PRKDC: variants seen among roughly 807,000 people sequenced by gnomAD.
PRKDC encodes the protein protein kinase, DNA-activated, catalytic subunit.
PRKDC carries 82 observed loss-of-function variants against 486.9 expected under a neutral mutation model. The ratio of observed to expected loss-of-function variants is 0.17; its 90% CI spans 0.14 to 0.20. The LOEUF (loss-of-function observed/expected upper bound fraction) is 0.20. Among genes scored for constraint, PRKDC ranks in the 10% least tolerant of loss-of-function variants. The pLI is 1.00. For missense variants in PRKDC, 4,504 were observed against 5,038.2 expected (o/e 0.89, Z 3.21); for synonymous variants, 1,895 against 1,837.0 (o/e 1.03, Z -0.81).
intron 70 of PRKDC, among the ~76,000 whole-genome samples, chr8:47,801,306 T>C (rs1157516026): frequency 2.6e-5 from 4 of 152,136 alleles, no homozygotes. Context: ...TCCTGAGCTC[T>C]AGCAATCTGC....
chr8:47,858,404 T>C (rs2088594307), intron 48 of PRKDC, 112 bp downstream of exon 48: 1 of 1,111,854 alleles, frequency 9.0e-7, no homozygotes, highest in South Asian at 1.9e-5. Flanking sequence ...ATTTTCCTTT[T>C]TTGTGTGTGT....
intron 63 of PRKDC, among the ~76,000 whole-genome samples, chr8:47,824,571 A>AT (rs1347690427): frequency 5.3e-5 from 8 of 151,846 alleles, no homozygotes; most frequent in Non-Finnish European, 1.2e-4. Flanking sequence ...TTAATCCATT[A>AT]TAATATCTAC....
chr8:47,892,388 T>A (rs551570286), intron 31 of PRKDC, among the ~76,000 whole-genome samples: 1 of 152,256 alleles, frequency 6.6e-6, no homozygotes, highest in East Asian at 1.9e-4. Flanking sequence ...TAGAGTACAG[T>A]GGCACAATCA....
intron 76 of PRKDC, among the ~76,000 whole-genome samples, chr8:47,787,916 GTATGCTTTAAATGGATGACTTAAGGACCA>G (rs2086817399): frequency 6.6e-6 from 1 of 152,150 alleles, no homozygotes; most frequent in Non-Finnish European, 1.5e-5. Flanking sequence ...CTACTGCATT[GTATGCTTTAAATGGATGACTTAAGGACCA>G]TGTGAATTAT....
chr8:47,880,237 T>A (rs955619870), intron 38 of PRKDC, among the ~76,000 whole-genome samples: 1 of 152,222 alleles, frequency 6.6e-6, no homozygotes, highest in African/African-American at 2.4e-5. Flanking sequence ...TGATTCGGTA[T>A]GTGCTTCCTC....
chr8:47,927,972 C>T, intron 19 of PRKDC, 82 bp from the exon 20 acceptor site: 1 of 1,250,208 alleles, frequency 8.0e-7, no homozygotes, highest in Non-Finnish European at 1.0e-6. Flanking sequence ...GCCCTATTCT[C>T]AAATACAAAA....
intron 77 of PRKDC, 36 bp from the exon 78 acceptor site, chr8:47,783,845 G>A: frequency 1.9e-6 from 3 of 1,593,838 alleles, no homozygotes; most frequent in Non-Finnish European, 2.6e-6. Flanking sequence ...GGAACAGCTT[G>A]TTAGACAACC....
chr8:47,797,396 T>G (rs2087004443), intron 73 of PRKDC, among the ~76,000 whole-genome samples: 1 of 152,194 alleles, frequency 6.6e-6, no homozygotes, highest in African/African-American at 2.4e-5. Flanking sequence ...TAATACCTAC[T>G]GAGAAAGTCT....
chr8:47,943,942 T>C, intron 8 of PRKDC, 32 bp downstream of exon 8: 1 of 1,554,140 alleles, frequency 6.4e-7, no homozygotes, highest in Non-Finnish European at 8.8e-7. Flanking sequence ...GTAAAGGCAT[T>C]AGAATAATAT....
chr8:47,832,057 T>C (rs1350179146), intron 59 of PRKDC, 131 bp from the exon 60 acceptor site: 3 of 736,604 alleles, frequency 4.1e-6, no homozygotes, highest in African/African-American at 1.8e-5. Flanking sequence ...GGAGCAGGAG[T>C]GCAGGGGCCA....
chr8:47,801,189 A>G (rs1301724323), intron 70 of PRKDC, among the ~76,000 whole-genome samples: 1 of 152,086 alleles, frequency 6.6e-6, no homozygotes, highest in Non-Finnish European at 1.5e-5. Flanking sequence ...CTCCCACCTC[A>G]ACCTCCCAAT....
At position 47,912,509 on chromosome 8, in the gene PRKDC, G is replaced by T. The variant is rs1460868844; in HGVS notation, c.2835C>A (p.Ala945=). ...CCTGTCCCCCTTCTGGCATCTGCGT[G>T]GCTTTGCCCAACATAAACATAACCA... The part of the protein sequence containing the change: ...HSMVMFMLGK[A]TQMPEGGQGA... Residue 945 remains alanine, a synonymous_variant, in exon 25 of 86, where the codon GCC becomes GCA. Coordinates refer to ENST00000314191, the MANE Select transcript of PRKDC (RefSeq NM_006904.7). 2.5e-6 allele frequency: 4 copies of T among 1,612,352 alleles called. No individual in the cohort carries two copies.
intron 22 of PRKDC, among the ~76,000 whole-genome samples, chr8:47,917,700 C>T (rs1220901168): frequency 6.6e-6 from 1 of 151,882 alleles, no homozygotes; most frequent in Non-Finnish European, 1.5e-5. Context: ...CTTACATATC[C>T]CTGGTATCAG....
intron 80 of PRKDC, among the ~76,000 whole-genome samples, chr8:47,781,535 T>C (rs1245687822): frequency 6.6e-6 from 1 of 152,202 alleles, no homozygotes; most frequent in Non-Finnish European, 1.5e-5. Context: ...TCAAAATCTG[T>C]CAACCCTCAA....
intron 27 of PRKDC, among the ~76,000 whole-genome samples, chr8:47,902,070 T>C (rs910980297): frequency 6.6e-6 from 1 of 152,144 alleles, no homozygotes; most frequent in Admixed American, 6.5e-5. Flanking sequence ...CGCTCCTTAC[T>C]ACAGCAAGCA....
At chr8:47,888,869 A>G in intron 33 of PRKDC, 145 bp downstream of exon 33, 1 of 1,065,770 alleles carries the variant, frequency 9.4e-7, no homozygotes, top group Non-Finnish European at 1.3e-6. Context: ...TGTGTTTTCT[A>G]AACAACTATT....
intron 55 of PRKDC, 59 bp from the exon 56 acceptor site, chr8:47,839,305 C>T: frequency 8.5e-7 from 1 of 1,173,764 alleles, no homozygotes; most frequent in Non-Finnish European, 1.3e-6. Context: ...CCCTTTTGTT[C>T]AACTACAGTA....
chr8:47,862,138 A>C lies in PRKDC; in HGVS notation c.5920-11T>G, dbSNP rs370957759. ...AAAAATAAGCAAGTTCTGTGAATAC[A>C]AAGAATCATATAAAAATAGCTGAAT... On this transcript the variant is annotated splice_polypyrimidine_tract_variant and intron_variant, in intron 43 of 85. Coordinates refer to ENST00000314191, the MANE Select transcript of PRKDC (RefSeq NM_006904.7). 29 of 1,540,012 alleles carry C rather than the reference A, an allele frequency of 1.9e-5. 1 individual carries two copies. In the African/African-American group the frequency reaches 2.5e-4, roughly 13 times the overall value.
chr8:47,914,441 T>C (rs1159867582), intron 23 of PRKDC, among the ~76,000 whole-genome samples: 1 of 152,214 alleles, frequency 6.6e-6, no homozygotes, highest in Non-Finnish European at 1.5e-5. Flanking sequence ...GTCACTGGTA[T>C]ATTTAACACC....
Sources: allele counts gnomAD v4.1 joint callset (sites outside exome capture counted in the v4.1 genomes callset), GRCh38; gene constraint gnomAD v4.1.1; transcripts MANE v1.5; gene names NCBI Gene and HGNC (gene_info 2026-07-23, HGNC 2026-07-21).